Variants in APBA2 observed in about 807,000 individuals in gnomAD.
The protein encoded by APBA2 is amyloid-beta A4 precursor protein-binding family A member 2.
In APBA2, 30 loss-of-function variants were observed where a neutral mutation model predicts 75.0. That is an observed-to-expected ratio of 0.40 (90% CI 0.30 to 0.54). APBA2 has a LOEUF of 0.54. Ranked by LOEUF, APBA2 falls within the 20% of genes least tolerant of loss-of-function variation. The pLI is 0.49. For synonymous variants in APBA2, 444 were observed against 409.6 expected (o/e 1.08, Z -1.01); for missense variants, 801 against 1,016.1 (o/e 0.79, Z 2.88).
intron 8 of APBA2, among the ~76,000 whole-genome samples, chr15:29,096,681 C>T (rs1386415324): frequency 5.9e-5 from 9 of 152,172 alleles, no homozygotes; most frequent in Admixed American, 5.9e-4. Context: ...ATTACAATAC[C>T]GGGCCTCTCT....
chr15:28,890,460 A>G (rs966369307), intron 1 of APBA2, among the ~76,000 whole-genome samples: 27 of 152,086 alleles, frequency 1.8e-4, no homozygotes, highest in Admixed American at 1.6e-3. Flanking sequence ...GATCTTTCCA[A>G]ACTTGTCTTG....
intron 4 of APBA2, among the ~76,000 whole-genome samples, chr15:29,058,860 T>TTGTAGAATTCCAC (rs200942927): frequency 0.01 from 1,579 of 152,362 alleles, 31 homozygotes; most frequent in African/African-American, 0.036. Flanking sequence ...CCATGTGGCA[T>TTGTAGAATTCCAC]TGTAGAATTC....
intron 1 of APBA2, among the ~76,000 whole-genome samples, chr15:28,910,402 T>A (rs1245781157): frequency 6.6e-6 from 1 of 152,214 alleles, no homozygotes; most frequent in Non-Finnish European, 1.5e-5. Context: ...GATAATGGTA[T>A]CTAGCACAAT....
At chr15:28,980,334 T>G (rs973595976) in intron 2 of APBA2, among the ~76,000 whole-genome samples, 1 of 152,216 alleles carries the variant, frequency 6.6e-6, no homozygotes. Context: ...TAGAAAACCC[T>G]AAAGACTTTG....
intron 1 of APBA2, among the ~76,000 whole-genome samples, chr15:28,896,825 GA>G (rs1464775680): frequency 6.6e-6 from 1 of 152,164 alleles, no homozygotes; most frequent in East Asian, 1.9e-4. Context: ...AATACAATTA[GA>G]TTTAGTTTCA....
At chr15:29,058,052 G>C (rs1481706104) in intron 4 of APBA2, among the ~76,000 whole-genome samples, 1 of 152,050 alleles carries the variant, frequency 6.6e-6, no homozygotes, top group Admixed American at 6.5e-5. Context: ...TTGAATTTTG[G>C]TTATATTATT....
chr15:29,004,756 C>T (rs1339940195), intron 3 of APBA2, among the ~76,000 whole-genome samples: 1 of 152,046 alleles, frequency 6.6e-6, no homozygotes, highest in African/African-American at 2.4e-5. Context: ...CTCTGCTCAC[C>T]GTACCCTCCG....
Position 29,118,047 on chromosome 15 carries a change from T to C in APBA2, c.*914T>C, listed in dbSNP as rs1290261657. ...AGACCCCTTGGCCAGCGTGGCGCAG[T>C]GGCCCTGAGCAGTAGTGGCATGTGT... is the stretch of plus-strand genomic sequence containing the variant. On this transcript the variant is annotated 3_prime_UTR_variant, in exon 15 of 15. Transcript: ENST00000683413. The C allele has an allele frequency of 6.6e-6, 1 of 152,570 alleles. No homozygotes were observed. The highest frequency in any genetic ancestry group is 1.9e-4 in the East Asian group (1 of 5,194). The allele number at this position is 152,570 out of a possible 1,614,324, so 9.5% of individuals were successfully genotyped here. A position where few individuals can be genotyped will look rare whatever the true frequency, so the allele number is the denominator to read the frequency against.
rs906374732 is a variant in APBA2, at chr15:29,117,033, G to T, written c.2179-29G>T. ...TTGTGGGAGGGGAGGTGGGAGGGCA[G>T]CGGCTCAGCCTCCTGTTTCTGTCCG... On this transcript the variant is annotated intron_variant, in intron 14 of 14. Coordinates refer to ENST00000683413, the MANE Select transcript of APBA2 (RefSeq NM_001353788.2). 11 of 1,610,990 alleles carry T rather than the reference G, an allele frequency of 6.8e-6. No individual in the cohort carries two copies. The African/African-American group carries it at 1.5e-4, about 22-fold the overall frequency.
At chr15:29,111,572 G>T (rs977200737) in intron 13 of APBA2, among the ~76,000 whole-genome samples, 2 of 152,168 alleles carry the variant, frequency 1.3e-5, no homozygotes, top group Non-Finnish European at 2.9e-5. Context: ...TCTCTGAGTG[G>T]CTCGGCTGCC....
intron 2 of APBA2, among the ~76,000 whole-genome samples, chr15:28,964,274 G>A (rs1204943242): frequency 6.6e-6 from 1 of 152,144 alleles, no homozygotes; most frequent in Non-Finnish European, 1.5e-5. Context: ...ATTCCCATTA[G>A]CAATGTATGG....
At chr15:28,977,880 C>T (rs990537437) in intron 2 of APBA2, among the ~76,000 whole-genome samples, 1 of 152,084 alleles carries the variant, frequency 6.6e-6, no homozygotes, top group Non-Finnish European at 1.5e-5. Context: ...GCAGTTGGAC[C>T]CACATACCTA....
At chr15:29,075,765 C>T (rs958070272) in intron 5 of APBA2, among the ~76,000 whole-genome samples, 2 of 152,166 alleles carry the variant, frequency 1.3e-5, no homozygotes, top group Admixed American at 1.3e-4. Context: ...CTCATGCCCC[C>T]TGGTTGGAGC....
chr15:28,943,337 G>A (rs1235019627), intron 2 of APBA2, among the ~76,000 whole-genome samples: 1 of 152,182 alleles, frequency 6.6e-6, no homozygotes, highest in African/African-American at 2.4e-5. Context: ...GCTGCCATGT[G>A]GCCCAGCTTA....
intron 1 of APBA2, among the ~76,000 whole-genome samples, chr15:28,908,105 C>T (rs990719797): frequency 1.3e-5 from 2 of 152,130 alleles, no homozygotes; most frequent in African/African-American, 4.8e-5. Flanking sequence ...GGGGTTTTCC[C>T]GAGCCGTTGT....
intron 2 of APBA2, among the ~76,000 whole-genome samples, chr15:28,952,925 C>T (rs78351704): frequency 0.031 from 4,645 of 152,286 alleles, 251 homozygotes; most frequent in African/African-American, 0.11. Flanking sequence ...TGGAGATCGA[C>T]TCACATTTGT....
At chr15:29,070,032 A>G (rs1391702007) in intron 4 of APBA2, among the ~76,000 whole-genome samples, 1 of 152,212 alleles carries the variant, frequency 6.6e-6, no homozygotes, top group Non-Finnish European at 1.5e-5. Context: ...GCCAGGCCAG[A>G]GTGTGCTATC....
intron 3 of APBA2, among the ~76,000 whole-genome samples, chr15:29,030,521 G>C (rs1235734066): frequency 6.6e-6 from 1 of 151,930 alleles, no homozygotes; most frequent in Non-Finnish European, 1.5e-5. Context: ...AAACGCTTAA[G>C]GGAATTCTGT....
chr15:29,056,939 T>G (rs1370580438), intron 4 of APBA2, among the ~76,000 whole-genome samples: 2 of 151,966 alleles, frequency 1.3e-5, no homozygotes. Context: ...ACTGGGAGAT[T>G]TGGTGCTGCC....
Sources: allele counts gnomAD v4.1 joint callset (sites outside exome capture counted in the v4.1 genomes callset), GRCh38; gene constraint gnomAD v4.1.1; transcripts MANE v1.5; gene names NCBI Gene and HGNC (gene_info 2026-07-23, HGNC 2026-07-21).